ARL2: variants seen among roughly 807,000 people sequenced by gnomAD.
The protein encoded by ARL2 is ARF like GTPase 2.
A neutral mutation model predicts 22.0 loss-of-function variants in ARL2; 11 were observed. The observed-to-expected ratio is 0.50, with a 90% CI of 0.31 to 0.83. The LOEUF (loss-of-function observed/expected upper bound fraction) is 0.83. Ranked by LOEUF, ARL2 falls within the 40% of genes least tolerant of loss-of-function variation. ARL2 has a pLI of 0.04. For synonymous variants in ARL2, 111 were observed against 100.8 expected, an observed-to-expected ratio of 1.10 and a Z score of -0.61; for missense variants, 216 against 243.2, an observed-to-expected ratio of 0.89 and a Z score of 0.74.
Position 65,020,491 on chromosome 11 carries a change from A to G in ARL2, c.412A>G (p.Ile138Val). 1 of 1,610,030 alleles carries G rather than the reference A, an allele frequency of 6.2e-7. No individual in the cohort carries two copies. The highest frequency in any genetic ancestry group is 8.5e-7 in the Non-Finnish European group (1 of 1,178,024). The change falls in exon 4 of 5, where the codon ATC (isoleucine) becomes GTC (valine). Residue 138 changes from isoleucine (I) to valine (V), a missense_variant. Physicochemically the swap from Ile to Val is conservative, Grantham distance 29. Transcript: ENST00000246747. Reference sequence around the variant, plus strand: ...GCCTGGAGCACTGTCCTCTAACGCCATCCGCGAGGTGAGTCCAGGCCCCGG... The same window carrying G: ...GCCTGGAGCACTGTCCTCTAACGCCGTCCGCGAGGTGAGTCCAGGCCCCGG... Reference protein sequence around the residue: ...DLPGALSSNAIREVLELDSIR... With the variant: ...DLPGALSSNAVREVLELDSIR...
intron 1 of ARL2, among the ~76,000 whole-genome samples, chr11:65,017,150 T>C (rs1257323388): frequency 6.6e-6 from 1 of 151,262 alleles, no homozygotes; most frequent in Non-Finnish European, 1.5e-5. Context: ...AGGAAAGATA[T>C]AAATGAATAA....
rs774017732 is a variant in ARL2 at position 65,018,739 on chromosome 11, C to A, written c.339+6C>A. 1 of 1,613,742 alleles carries A rather than the reference C, an allele frequency of 6.2e-7. No homozygotes were observed. The highest frequency in any genetic ancestry group is 8.5e-7 in the Non-Finnish European group (1 of 1,180,016). On this transcript the variant is annotated splice_donor_region_variant and intron_variant, in intron 3 of 4. Coordinates refer to ENST00000246747, the MANE Select transcript of ARL2 (RefSeq NM_001667.4). This position sits in a 1 kb window ranked among gnomAD's most constrained non-coding sequence, Gnocchi z 4.2. The stretch of plus-strand genomic sequence containing the variant: ...AGAGCCTGCTGGTGGAGGAGGTGGG[C>A]AGCTCCTACCCTTTGTGTACATGTA...
chr11:65,021,173 T>C (rs1374536176), intron 4 of ARL2, among the ~76,000 whole-genome samples: 1 of 152,096 alleles, frequency 6.6e-6, no homozygotes, highest in African/African-American at 2.4e-5. Context: ...CTCACAGAGG[T>C]TAGGTAACTT....
chr11:65,015,731 G>A (rs971981822), intron 1 of ARL2, among the ~76,000 whole-genome samples: 5 of 151,928 alleles, frequency 3.3e-5, no homozygotes, highest in Admixed American at 1.3e-4. Context: ...GACCAGCCTG[G>A]GCAACATAGT....
At position 65,022,001 on chromosome 11, in the gene ARL2, T is replaced by G; in HGVS notation, c.*146T>G. On this transcript the variant is annotated 3_prime_UTR_variant, in exon 5 of 5. Transcript: ENST00000246747. Reference sequence around the variant, plus strand: ...TGCTGCTACTGCTGCCCGCTGCTGCTCTGTGGCCACCCGGCTCCCATGGCG... The same window carrying G: ...TGCTGCTACTGCTGCCCGCTGCTGCGCTGTGGCCACCCGGCTCCCATGGCG... 8.1e-7 allele frequency: 1 copy of G among 1,230,440 alleles called. No homozygotes were observed. The highest frequency in any genetic ancestry group is 2.2e-4 in the Middle Eastern group (1 of 4,604). The allele number at this position is 1,230,440 out of a possible 1,614,324, so 76.2% of individuals were successfully genotyped here.
At chr11:65,014,376 A>C (rs1244868821) in intron 1 of ARL2, 104 bp downstream of exon 1, 13 of 980,296 alleles carry the variant, frequency 1.3e-5, no homozygotes, top group Non-Finnish European at 1.9e-5. Flanking sequence ...GGCGCGTCCC[A>C]ACTGCCCCTG....
chr11:65,014,578 A>G (rs1035637113), intron 1 of ARL2, among the ~76,000 whole-genome samples: 2 of 152,134 alleles, frequency 1.3e-5, no homozygotes, highest in Non-Finnish European at 2.9e-5. Context: ...GGCCTGGCCC[A>G]AGCGTGGGGC....
Position 65,018,859 on chromosome 11 carries a change from C to T in ARL2, c.339+126C>T, listed in dbSNP as rs771940608. ...GATCCCTTCCTTCTCTGGGCCCCCACCATGGGAGGCCCATGGTGCCAGAGG... is the reference window on the plus strand; with the variant it reads ...GATCCCTTCCTTCTCTGGGCCCCCATCATGGGAGGCCCATGGTGCCAGAGG... On this transcript the variant is annotated intron_variant, in intron 3 of 4. Transcript: ENST00000246747. The surrounding 1 kb of genome is among the most constrained non-coding windows in gnomAD (Gnocchi z 4.2). 3 of 1,539,168 alleles carry T rather than the reference C, an allele frequency of 1.9e-6. No homozygotes were observed. The highest frequency in any genetic ancestry group is 2.7e-5 in the African/African-American group (2 of 73,216).
intron 1 of ARL2, among the ~76,000 whole-genome samples, chr11:65,017,039 GC>G (rs1376324777): frequency 2.0e-5 from 3 of 152,122 alleles, no homozygotes; most frequent in Non-Finnish European, 4.4e-5. Flanking sequence ...GACAGTTTTG[GC>G]CACAGCAGCA....
At chr11:65,019,614 T>C (rs1428610742) in intron 3 of ARL2, 1 of 152,588 alleles carries the variant, frequency 6.6e-6, no homozygotes, top group Non-Finnish European at 1.5e-5. Context: ...TTTACCTTGC[T>C]TCCCCATCTT....
rs1037984829 is a variant in ARL2 at position 65,020,293 on chromosome 11, C to T, written c.340-126C>T. The T allele has an allele frequency of 5.4e-5, 43 of 801,978 alleles. No individual in the cohort carries two copies. In the East Asian group the frequency reaches 1.1e-3, roughly 20 times the overall value. The allele number at this position is 801,978 out of a possible 1,614,324, so 49.7% of individuals were successfully genotyped here. A position where few individuals can be genotyped will look rare whatever the true frequency, so the allele number is the denominator to read the frequency against. ...CACAAACTCACTCCTGGGCCTCTCC[C>T]ACCACCACGGGGCCTCACCTTGATC... On this transcript the variant is annotated intron_variant, in intron 3 of 4. Transcript: ENST00000246747.
In ARL2 at chr11:65,021,739, A is replaced by G. The variant is rs1211446543; in HGVS notation, c.439A>G (p.Ile147Val). 1.2e-6 allele frequency: 2 copies of G among 1,606,672 alleles called. No homozygotes were observed. The highest frequency in any genetic ancestry group is 1.7e-6 in the Non-Finnish European group (2 of 1,176,996). Residue 147 changes from isoleucine to valine, a missense_variant, in exon 5 of 5, where the codon ATC (isoleucine) becomes GTC (valine). Ile to Val is a conservative substitution (Grantham distance 29). Coordinates refer to ENST00000246747, the MANE Select transcript of ARL2 (RefSeq NM_001667.4). ...CTCCCAGGTCCTGGAGCTGGACTCCATCCGCAGCCACCACTGGTGCATCCA... is the reference window on the plus strand; with the variant it reads ...CTCCCAGGTCCTGGAGCTGGACTCCGTCCGCAGCCACCACTGGTGCATCCA... ...AIREVLELDS[I>V]RSHHWCIQGC... is the part of the protein sequence containing the mutation.
At chr11:65,015,387 G>T (rs772230259) in intron 1 of ARL2, among the ~76,000 whole-genome samples, 8 of 152,250 alleles carry the variant, frequency 5.3e-5, no homozygotes, top group Non-Finnish European at 1.2e-4. Flanking sequence ...AAACTGTTGG[G>T]ATTATGGGCG....
At chr11:65,017,146 G>T (rs1461676656) in intron 1 of ARL2, among the ~76,000 whole-genome samples, 1 of 151,738 alleles carries the variant, frequency 6.6e-6, no homozygotes, top group Non-Finnish European at 1.5e-5. Flanking sequence ...TAAAAGGAAA[G>T]ATATAAATGA....
rs775951828 is a variant in ARL2, at chr11:65,018,322, T to G, written c.66-42T>G. The G allele has an allele frequency of 6.6e-7, 1 of 1,526,406 alleles. No individual in the cohort carries two copies. Among genetic ancestry groups the G allele is most frequent in the Non-Finnish European group, 8.9e-7 (1 of 1,121,748 alleles). The allele number at this position is 1,526,406 out of a possible 1,614,324, so 94.6% of individuals were successfully genotyped here. A position where few individuals can be genotyped will look rare whatever the true frequency, so the allele number is the denominator to read the frequency against. ...GGGGCTCTGCAACAATGTCACCACC[T>G]GGCAGAGAACAGGGACTTCTCCTTA... On this transcript the variant is annotated intron_variant, in intron 1 of 4. Transcript: ENST00000246747. The surrounding 1 kb of genome is among the most constrained non-coding windows in gnomAD (Gnocchi z 4.2).
intron 1 of ARL2, among the ~76,000 whole-genome samples, chr11:65,016,276 G>C (rs941346390): frequency 2.1e-5 from 3 of 143,024 alleles, no homozygotes; most frequent in East Asian, 4.8e-4. Flanking sequence ...TTCGGGGGGG[G>C]GGGAAACTTT....
chr11:65,020,593 G>C lies in ARL2; in HGVS notation c.420+94G>C, dbSNP rs184784503. 6.8e-5 allele frequency: 88 copies of C among 1,299,960 alleles called. 1 individual carries two copies. In the Admixed American group the frequency reaches 7.9e-4, roughly 12 times the overall value. 80.5% of individuals were successfully genotyped at this position (1,299,960 alleles called of 1,614,324 possible). On this transcript the variant is annotated intron_variant, in intron 4 of 4. Coordinates refer to ENST00000246747, the MANE Select transcript of ARL2 (RefSeq NM_001667.4). The stretch of plus-strand genomic sequence containing the variant: ...TATTAAAAATAACCAAAAAGGCTGG[G>C]TGCAGTGGCTCACGCCTGTAATACC...
Position 65,018,250 on chromosome 11 carries a change from G to T in ARL2, c.66-114G>T, listed in dbSNP as rs576548557. On this transcript the variant is annotated intron_variant, in intron 1 of 4. Transcript: ENST00000246747. This position sits in a 1 kb window ranked among gnomAD's most constrained non-coding sequence, Gnocchi z 4.2. ...TTGTGGGCCGATTATGGTCAGGCAT[G>T]TGCTCAACTCAGTTTGATACATGGT... 2.3e-5 allele frequency: 18 copies of T among 773,542 alleles called. No individual in the cohort carries two copies. The African/African-American group carries it at 3.1e-4, about 14-fold the overall frequency. The allele number at this position is 773,542 out of a possible 1,614,324, so 47.9% of individuals were successfully genotyped here.
At chr11:65,019,342 A>G (rs1181554587) in intron 3 of ARL2, 1 of 166,292 alleles carries the variant, frequency 6.0e-6, no homozygotes, top group Non-Finnish European at 1.3e-5. Context: ...GGAGATCGAG[A>G]CCGTCCTGGC....
Sources: allele counts gnomAD v4.1 joint callset (sites outside exome capture counted in the v4.1 genomes callset), GRCh38; gene constraint gnomAD v4.1.1; non-coding constraint Gnocchi (gnomAD v3.1); transcripts MANE v1.5; gene names NCBI Gene and HGNC (gene_info 2026-07-23, HGNC 2026-07-21).